Variants in SLC35F1 observed in about 807,000 individuals in gnomAD.
The protein encoded by SLC35F1 is chromosome 6 open reading frame 169.
A neutral mutation model predicts 48.7 loss-of-function variants in SLC35F1; 14 were observed. That is an observed-to-expected ratio of 0.29 (90% CI 0.19 to 0.45). SLC35F1 has a LOEUF of 0.45. SLC35F1 is among the 20% of genes least tolerant of loss of function. The probability of loss-of-function intolerance (pLI) is 1.00; values close to 1 mark genes in which losing one functional copy is unlikely to be tolerated. For missense variants in SLC35F1, 404 were observed against 500.0 expected (o/e 0.81, Z 1.83); for synonymous variants, 190 against 202.2 (o/e 0.94, Z 0.51).
intron 1 of SLC35F1, among the ~76,000 whole-genome samples, chr6:118,142,085 C>T (rs889463368): frequency 1.3e-5 from 2 of 152,044 alleles, no homozygotes; most frequent in South Asian, 2.1e-4. Flanking sequence ...GCTTATTTTC[C>T]GAATAAAAAT....
intron 7 of SLC35F1, among the ~76,000 whole-genome samples, chr6:118,285,739 A>G (rs1188835357): frequency 6.6e-6 from 1 of 152,242 alleles, no homozygotes; most frequent in Admixed American, 6.5e-5. Context: ...TGGAGAAAAG[A>G]CACAATTCCT....
At chr6:118,033,530 A>T (rs1772082603) in intron 1 of SLC35F1, among the ~76,000 whole-genome samples, 1 of 152,130 alleles carries the variant, frequency 6.6e-6, no homozygotes, top group Admixed American at 6.6e-5. Context: ...TAAATTTGAG[A>T]GGATTGACAA....
intron 2 of SLC35F1, among the ~76,000 whole-genome samples, chr6:118,199,258 C>T (rs998624199): frequency 6.6e-6 from 1 of 152,150 alleles, no homozygotes; most frequent in South Asian, 2.1e-4. Context: ...ACCTGAGAAC[C>T]CCAAGTGGGA....
intron 3 of SLC35F1, among the ~76,000 whole-genome samples, chr6:118,249,587 A>G (rs183823695): frequency 3.9e-4 from 60 of 152,328 alleles, no homozygotes; most frequent in African/African-American, 1.3e-3. Context: ...TTGGCAATGC[A>G]TTTGAGGAGA....
chr6:118,018,264 G>A (rs553910726), intron 1 of SLC35F1, among the ~76,000 whole-genome samples: 22 of 152,110 alleles, frequency 1.4e-4, no homozygotes, highest in African/African-American at 4.8e-4. Context: ...CCAGCTACTC[G>A]GGAGGTTGAG....
At chr6:118,180,733 C>A (rs1774563760) in intron 2 of SLC35F1, among the ~76,000 whole-genome samples, 1 of 151,942 alleles carries the variant, frequency 6.6e-6, no homozygotes, top group Non-Finnish European at 1.5e-5. Flanking sequence ...GCAATATGAA[C>A]TCAGATTCCG....
intron 1 of SLC35F1, among the ~76,000 whole-genome samples, chr6:118,072,687 T>C (rs1772752901): frequency 6.6e-6 from 1 of 152,246 alleles, no homozygotes; most frequent in Non-Finnish European, 1.5e-5. Flanking sequence ...TTTGGTTGTC[T>C]ATAAATATTT....
At chr6:117,918,110 A>C (rs146749916) in intron 1 of SLC35F1, among the ~76,000 whole-genome samples, 85 of 152,254 alleles carry the variant, frequency 5.6e-4, no homozygotes, top group African/African-American at 2.0e-3. Context: ...GGAGTGGTGC[A>C]GCTGGAAATG....
intron 3 of SLC35F1, among the ~76,000 whole-genome samples, chr6:118,251,902 G>T (rs1775580993): frequency 6.6e-6 from 1 of 152,054 alleles, no homozygotes; most frequent in Non-Finnish European, 1.5e-5. Flanking sequence ...GCATACTTAG[G>T]TTTCATTTTC....
At chr6:117,931,641 A>G (rs1776103186) in intron 1 of SLC35F1, among the ~76,000 whole-genome samples, 1 of 152,102 alleles carries the variant, frequency 6.6e-6, no homozygotes, top group Admixed American at 6.5e-5. Context: ...AGGTAGATCT[A>G]CTTAATTGTG....
chr6:117,920,203 G>A (rs1272936249), intron 1 of SLC35F1, among the ~76,000 whole-genome samples: 1 of 152,210 alleles, frequency 6.6e-6, no homozygotes, highest in Non-Finnish European at 1.5e-5. Context: ...CTCGGAACGC[G>A]GGTGGACGGG....
intron 2 of SLC35F1, among the ~76,000 whole-genome samples, chr6:118,173,191 T>C (rs1774432743): frequency 6.6e-6 from 1 of 151,956 alleles, no homozygotes; most frequent in African/African-American, 2.4e-5. Context: ...AGATCAACTC[T>C]CATTCTATCA....
chr6:117,912,583 A>G (rs1397800878), intron 1 of SLC35F1, among the ~76,000 whole-genome samples: 1 of 152,230 alleles, frequency 6.6e-6, no homozygotes, highest in African/African-American at 2.4e-5. Context: ...TGTCAAAATG[A>G]AAAGAGGAAG....
At chr6:118,055,910 G>A (rs1303630706) in intron 1 of SLC35F1, among the ~76,000 whole-genome samples, 1 of 152,230 alleles carries the variant, frequency 6.6e-6, no homozygotes, top group Non-Finnish European at 1.5e-5. Context: ...AAGAAGCATT[G>A]AGAAAAGGGA....
At chr6:117,930,084 G>A (rs532261772) in intron 1 of SLC35F1, among the ~76,000 whole-genome samples, 5 of 152,304 alleles carry the variant, frequency 3.3e-5, no homozygotes, top group South Asian at 2.1e-4. Context: ...ATTTGGATCC[G>A]AGCCCATGCT....
At chr6:118,119,499 C>A (rs1562295679) in intron 1 of SLC35F1, among the ~76,000 whole-genome samples, 1 of 74,562 alleles carries the variant, frequency 1.3e-5, no homozygotes, top group African/African-American at 5.0e-5. Flanking sequence ...CCGGCGCCCC[C>A]CCTCCACCCC....
intron 1 of SLC35F1, among the ~76,000 whole-genome samples, chr6:117,955,600 G>C (rs1290979449): frequency 6.6e-6 from 1 of 152,184 alleles, no homozygotes; most frequent in Non-Finnish European, 1.5e-5. Flanking sequence ...TTCCAATGCT[G>C]TTCCAAGAAC....
At chr6:118,220,412 A>C (rs972391183) in intron 2 of SLC35F1, among the ~76,000 whole-genome samples, 1 of 152,136 alleles carries the variant, frequency 6.6e-6, no homozygotes, top group African/African-American at 2.4e-5. Flanking sequence ...CGTAGAACAG[A>C]TATCAAATTT....
chr6:117,999,313 C>A, intron 1 of SLC35F1: 1 of 1,595,788 alleles, frequency 6.3e-7, no homozygotes, highest in Non-Finnish European at 8.5e-7. Context: ...CCCGTATTGC[C>A]AAGGGGCTCA....
Sources: gnomAD v4.1 joint callset for allele counts (sites outside exome capture counted in the v4.1 genomes callset) on GRCh38, gnomAD v4.1.1 for gene constraint, MANE v1.5 for transcripts, NCBI Gene and HGNC (gene_info 2026-07-23, HGNC 2026-07-21) for gene names.